C9orf85: variants seen among roughly 807,000 people sequenced by gnomAD.
The protein encoded by C9orf85 is chromosome 9 open reading frame 85.
Under a neutral mutation model 14.9 loss-of-function variants are expected in C9orf85, and 16 were observed. The ratio of observed to expected loss-of-function variants is 1.08; its 90% CI spans 0.73 to 1.63. The LOEUF (loss-of-function observed/expected upper bound fraction) is 1.63, where lower values mean the gene tolerates loss of function less well. Ranked by LOEUF, C9orf85 falls within the 40% of genes most tolerant of loss-of-function variation. The probability of loss-of-function intolerance (pLI) is 0.00; values close to 1 mark genes in which losing one functional copy is unlikely to be tolerated. For missense variants in C9orf85, 172 were observed against 186.1 expected (o/e 0.92, Z 0.44); for synonymous variants, 45 against 56.8 (o/e 0.79, Z 0.93).
intron 1 of C9orf85, among the ~76,000 whole-genome samples, chr9:71,939,331 G>A (rs936435955): frequency 5.9e-5 from 9 of 151,412 alleles, no homozygotes; most frequent in African/African-American, 2.2e-4. Context: ...CAAAACCAAA[G>A]ACATTGGAAA....
intron 1 of C9orf85, among the ~76,000 whole-genome samples, chr9:71,917,584 T>C (rs931538630): frequency 9.2e-5 from 14 of 152,072 alleles, no homozygotes; most frequent in Non-Finnish European, 2.1e-4. Flanking sequence ...TATAAGCTGA[T>C]TGTGGCAGAG....
At chr9:71,962,199 T>C (rs1400616210) in intron 2 of C9orf85, among the ~76,000 whole-genome samples, 1 of 152,196 alleles carries the variant, frequency 6.6e-6, no homozygotes, top group Admixed American at 6.5e-5. Flanking sequence ...GTAATCTACT[T>C]GTCTACTGCA....
intron 1 of C9orf85, among the ~76,000 whole-genome samples, chr9:71,939,590 G>T (rs1589255217): frequency 6.6e-6 from 1 of 152,002 alleles, no homozygotes; most frequent in East Asian, 1.9e-4. Context: ...AGGGTTTTTT[G>T]TTGTTGTTGA....
In C9orf85 at chr9:71,963,162, A is replaced by C. The variant is rs1180026517; in HGVS notation, c.210-8343A>C. Reference sequence around the variant, plus strand: ...TGGAAGGGATGATACAGTGATTACTAGTATAATTTGATGCTACTGTTTTTG... The same window carrying C: ...TGGAAGGGATGATACAGTGATTACTCGTATAATTTGATGCTACTGTTTTTG... On this transcript the variant is annotated intron_variant, in intron 2 of 3. Transcript: ENST00000334731. 3.9e-5 allele frequency among the ~76,000 whole-genome samples: 6 copies of C among 152,322 alleles called. No homozygotes were observed. The East Asian group carries it at 1.2e-3, about 29-fold the overall frequency.
downstream of C9orf85, among the ~76,000 whole-genome samples, chr9:71,975,038 T>C (rs1195683108): frequency 6.6e-6 from 1 of 152,112 alleles, no homozygotes; most frequent in Non-Finnish European, 1.5e-5. Context: ...TATTTCAGCA[T>C]AAAAAAAGTG....
chr9:71,948,213 GA>G (rs1430112852), intron 2 of C9orf85, among the ~76,000 whole-genome samples: 5 of 151,886 alleles, frequency 3.3e-5, no homozygotes, highest in Non-Finnish European at 5.9e-5. Flanking sequence ...CATCATCTTT[GA>G]ATGCATTCCT....
intron 1 of C9orf85, among the ~76,000 whole-genome samples, chr9:71,945,496 A>G (rs1822062038): frequency 2.0e-5 from 3 of 152,268 alleles, no homozygotes; most frequent in African/African-American, 7.2e-5. Flanking sequence ...AAAGTTAAAC[A>G]TAATATATTC....
intron 2 of C9orf85, among the ~76,000 whole-genome samples, chr9:71,963,470 A>AC (rs1414870628): frequency 6.6e-6 from 1 of 152,094 alleles, no homozygotes; most frequent in Non-Finnish European, 1.5e-5. Context: ...CCACCGCTGC[A>AC]TTGTGGTAGC....
intron 2 of C9orf85, among the ~76,000 whole-genome samples, chr9:71,966,315 T>C (rs1273456609): frequency 1.3e-5 from 2 of 152,036 alleles, no homozygotes; most frequent in Non-Finnish European, 2.9e-5. Context: ...TTCAGCTGAA[T>C]TTTTTCTTTT....
chr9:71,961,509 T>G (rs941737407), intron 2 of C9orf85, among the ~76,000 whole-genome samples: 6 of 152,012 alleles, frequency 3.9e-5, no homozygotes, highest in African/African-American at 1.4e-4. Context: ...TGTGGTGAGC[T>G]GAGATCGCGC....
intron 1 of C9orf85, among the ~76,000 whole-genome samples, chr9:71,937,759 C>A (rs777102643): frequency 7.2e-5 from 11 of 151,988 alleles, no homozygotes; most frequent in Non-Finnish European, 1.5e-4. Flanking sequence ...CTTTAGATAT[C>A]TTTTAATTAA....
chr9:71,916,923 T>C (rs574620922), intron 1 of C9orf85, among the ~76,000 whole-genome samples: 8 of 152,196 alleles, frequency 5.3e-5, no homozygotes, highest in Non-Finnish European at 1.2e-4. Flanking sequence ...CTATGTATAC[T>C]TGCTATACAT....
At chr9:71,935,040 A>G (rs188631090) in intron 1 of C9orf85, among the ~76,000 whole-genome samples, 3 of 152,310 alleles carry the variant, frequency 2.0e-5, no homozygotes, top group Admixed American at 6.5e-5. Context: ...CTGGGGAACT[A>G]CAGATGAAAA....
At chr9:71,953,807 T>C (rs1419060760) in intron 2 of C9orf85, among the ~76,000 whole-genome samples, 4 of 151,600 alleles carry the variant, frequency 2.6e-5, no homozygotes, top group Admixed American at 6.6e-5. Context: ...TAAAAAAAAG[T>C]GGGGGAGGGA....
chr9:71,944,808 C>A (rs913112711), intron 1 of C9orf85, among the ~76,000 whole-genome samples: 6 of 152,096 alleles, frequency 3.9e-5, no homozygotes, highest in African/African-American at 1.4e-4. Flanking sequence ...TCATTAATTT[C>A]TTAACACATA....
intron 2 of C9orf85, among the ~76,000 whole-genome samples, chr9:71,955,576 T>C (rs1431327424): frequency 6.6e-6 from 1 of 152,188 alleles, no homozygotes; most frequent in Non-Finnish European, 1.5e-5. Context: ...TTTGAACAAT[T>C]GGCTGACTAT....
chr9:71,947,893 G>A (rs976574617), intron 2 of C9orf85, among the ~76,000 whole-genome samples: 29 of 152,204 alleles, frequency 1.9e-4, no homozygotes, highest in Admixed American at 4.6e-4. Context: ...TGATCTGCCC[G>A]CCTAGGCCTC....
intron 2 of C9orf85, among the ~76,000 whole-genome samples, chr9:71,964,126 G>A (rs1470655131): frequency 1.3e-5 from 2 of 152,094 alleles, no homozygotes; most frequent in Admixed American, 1.3e-4. Context: ...TAGCTACTCT[G>A]GTGGGGCCTT....
At chr9:71,968,865 T>C (rs1283332297) in intron 2 of C9orf85, among the ~76,000 whole-genome samples, 3 of 152,116 alleles carry the variant, frequency 2.0e-5, no homozygotes, top group Non-Finnish European at 4.4e-5. Context: ...TCTAAGCTAA[T>C]TCCAACTGGC....
Sources: gnomAD v4.1 joint callset for allele counts (sites outside exome capture counted in the v4.1 genomes callset) on GRCh38, gnomAD v4.1.1 for gene constraint, MANE v1.5 for transcripts, NCBI Gene and HGNC (gene_info 2026-07-23, HGNC 2026-07-21) for gene names.